The following ST3GAL1 variants were observed in gnomAD, a reference collection of about 807,000 sequenced individuals.
The protein encoded by ST3GAL1 is CMP-N-acetylneuraminate-beta-galactosamide-alpha-2,3-sialyltransferase 1.
In ST3GAL1, 16 loss-of-function variants were observed where a neutral mutation model predicts 34.1. The observed-to-expected ratio is 0.47, with a 90% CI of 0.32 to 0.71. The LOEUF (loss-of-function observed/expected upper bound fraction) is 0.71. Among genes scored for constraint, ST3GAL1 ranks in the 30% least tolerant of loss-of-function variants. The pLI, the probability that ST3GAL1 is intolerant of heterozygous loss-of-function variation, is 0.04. For synonymous variants in ST3GAL1, 191 were observed against 184.7 expected, an observed-to-expected ratio of 1.03 and a Z score of -0.28; for missense variants, 353 against 447.4, an observed-to-expected ratio of 0.79 and a Z score of 1.90.
intron 3 of ST3GAL1, among the ~76,000 whole-genome samples, chr8:133,482,359 C>T (rs1229212076): frequency 1.3e-5 from 2 of 152,126 alleles, no homozygotes; most frequent in African/African-American, 4.8e-5. Context: ...GGAGTGGTTG[C>T]CTGTATGTGT....
Position 133,466,232 on chromosome 8 carries a change from G to T in ST3GAL1, c.307-142C>A. The T allele has an allele frequency of 1.3e-6, 1 of 765,826 alleles. No homozygotes were observed. 47.4% of individuals were successfully genotyped at this position (765,826 alleles called of 1,614,324 possible). On this transcript the variant is annotated intron_variant, in intron 5 of 9. Coordinates refer to ENST00000522652, the MANE Select transcript of ST3GAL1 (RefSeq NM_173344.3). The surrounding 1 kb of genome is among the most constrained non-coding windows in gnomAD (Gnocchi z 4.4). ...TGCTGGGCCCCCGGAGATGGAGGCG[G>T]CTCACACACAGACACCTCCACTTCC...
intron 3 of ST3GAL1, chr8:133,488,355 A>G (rs1007280988): frequency 1.3e-5 from 2 of 152,268 alleles, no homozygotes; most frequent in African/African-American, 4.8e-5. Context: ...AAGCTCTCCA[A>G]TCAGTTAACT....
At chr8:133,512,057 A>G (rs1302149499) in intron 2 of ST3GAL1, among the ~76,000 whole-genome samples, 1 of 152,216 alleles carries the variant, frequency 6.6e-6, no homozygotes, top group African/African-American at 2.4e-5. Flanking sequence ...GTCTCAAAAC[A>G]AAACAAAACA....
chr8:133,486,691 C>G (rs1816616290), intron 3 of ST3GAL1, among the ~76,000 whole-genome samples: 1 of 152,206 alleles, frequency 6.6e-6, no homozygotes, highest in Non-Finnish European at 1.5e-5. Context: ...TTAAAAAAAT[C>G]AGTCTCGAAT....
At chr8:133,548,829 A>T (rs1818745285) in intron 1 of ST3GAL1, among the ~76,000 whole-genome samples, 1 of 152,188 alleles carries the variant, frequency 6.6e-6, no homozygotes, top group Admixed American at 6.5e-5. Flanking sequence ...TTTACTTGTC[A>T]CTAGATTTCC....
At chr8:133,555,138 G>T (rs1025786328) in intron 1 of ST3GAL1, among the ~76,000 whole-genome samples, 1 of 152,170 alleles carries the variant, frequency 6.6e-6, no homozygotes, top group African/African-American at 2.4e-5. Context: ...CCCCGCGGGG[G>T]ACTGCTCAGC....
At position 133,510,442 on chromosome 8, in the gene ST3GAL1, G is replaced by C. The variant is rs1045275403; in HGVS notation, c.-428-11253C>G. 4.6e-5 allele frequency among the ~76,000 whole-genome samples: 7 copies of C among 152,284 alleles called. No homozygotes were observed. The East Asian group carries it at 1.4e-3, about 29-fold the overall frequency. Reference sequence around the variant, plus strand: ...GAGGCAGAGTGAGCTTTCAGAGATAGTCTGCACCTATCTGAAGAGAGCGGG... The same window carrying C: ...GAGGCAGAGTGAGCTTTCAGAGATACTCTGCACCTATCTGAAGAGAGCGGG... On this transcript the variant is annotated intron_variant, in intron 2 of 9. Transcript: ENST00000522652.
intron 5 of ST3GAL1, among the ~76,000 whole-genome samples, chr8:133,468,007 C>T (rs938330789): frequency 1.3e-5 from 2 of 152,094 alleles, no homozygotes; most frequent in Non-Finnish European, 2.9e-5. Context: ...AAATGGAACT[C>T]GTGCATTGCT....
intron 3 of ST3GAL1, among the ~76,000 whole-genome samples, chr8:133,497,598 G>A (rs959242676): frequency 6.6e-6 from 1 of 150,664 alleles, no homozygotes; most frequent in Non-Finnish European, 1.5e-5. Flanking sequence ...TCAGCCTCCC[G>A]AGTAGCTGGG....
At chr8:133,483,240 G>A (rs1274276016) in intron 3 of ST3GAL1, among the ~76,000 whole-genome samples, 1 of 152,170 alleles carries the variant, frequency 6.6e-6, no homozygotes, top group Non-Finnish European at 1.5e-5. Context: ...TACTTAGGAG[G>A]CTGAGGCAGG....
intron 3 of ST3GAL1, among the ~76,000 whole-genome samples, chr8:133,491,887 C>T (rs1259718210): frequency 1.3e-5 from 2 of 152,098 alleles, no homozygotes; most frequent in Admixed American, 1.3e-4. Context: ...CATACCTGGG[C>T]CCCAGAGGAG....
intron 2 of ST3GAL1, among the ~76,000 whole-genome samples, chr8:133,539,408 C>T (rs1008107428): frequency 6.6e-6 from 1 of 152,226 alleles, no homozygotes; most frequent in Non-Finnish European, 1.5e-5. Flanking sequence ...AACCAGAGCA[C>T]GTCCAGGAAG....
rs1252788595 is a variant in ST3GAL1 at position 133,547,646 on chromosome 8, C to T, written c.-581-1720G>A. Among the ~76,000 whole-genome samples, 5 of 152,272 alleles carry T rather than the reference C, an allele frequency of 3.3e-5. No individual in the cohort carries two copies. The South Asian group carries it at 6.2e-4, about 19-fold the overall frequency. ...AGATGTGTGGATGGGCCAGCACAGG[C>T]AATCAGCCTAACACAAACTGTGCAG... On this transcript the variant is annotated intron_variant, in intron 1 of 9. Transcript: ENST00000522652.
At chr8:133,564,446 A>G (rs1447517256) in intron 1 of ST3GAL1, among the ~76,000 whole-genome samples, 1 of 151,940 alleles carries the variant, frequency 6.6e-6, no homozygotes, top group Non-Finnish European at 1.5e-5. Context: ...TAGAATCACA[A>G]TAAAGCCAAT....
chr8:133,560,246 TG>T (rs56015213), intron 1 of ST3GAL1, among the ~76,000 whole-genome samples: 69,976 of 151,342 alleles, frequency 0.46, 17,243 homozygotes, highest in East Asian at 0.64. Flanking sequence ...ACAATTACTA[TG>T]TGTCAGTTTT....
rs1037923998 is a variant in ST3GAL1, at chr8:133,516,990, C to A, written c.-428-17801G>T. Among the ~76,000 whole-genome samples the A allele has an allele frequency of 2.6e-5, 4 of 152,252 alleles. No homozygotes were observed. The South Asian group carries it at 8.3e-4, about 32-fold the overall frequency. On this transcript the variant is annotated intron_variant, in intron 2 of 9. Transcript: ENST00000522652. Reference sequence around the variant, plus strand: ...TGAACATATTAGTTCAGCAAATACACAAACCACTTTCTCTGAGCAGAAGTG... The same window carrying A: ...TGAACATATTAGTTCAGCAAATACAAAAACCACTTTCTCTGAGCAGAAGTG...
At chr8:133,550,438 G>A (rs148580006) in intron 1 of ST3GAL1, among the ~76,000 whole-genome samples, 2 of 152,336 alleles carry the variant, frequency 1.3e-5, no homozygotes, top group East Asian at 3.9e-4. Context: ...CCACAAATGA[G>A]GAAACCAAGG....
chr8:133,485,022 T>C (rs1231468416), intron 3 of ST3GAL1, among the ~76,000 whole-genome samples: 2 of 152,172 alleles, frequency 1.3e-5, no homozygotes, highest in Admixed American at 6.5e-5. Context: ...TCCACATGGC[T>C]CAAATCCCAT....
rs562237814 is a variant in ST3GAL1, at chr8:133,554,210, C to T, written c.-581-8284G>A. On this transcript the variant is annotated intron_variant, in intron 1 of 9. Coordinates refer to ENST00000522652, the MANE Select transcript of ST3GAL1 (RefSeq NM_173344.3). ...CATGAGCATGAGTCAAATTCTAGAC[C>T]CATTTTTCAGAGTCTGCAATCACCT... Among the ~76,000 whole-genome samples the T allele has an allele frequency of 3.3e-5, 5 of 152,256 alleles. No individual in the cohort carries two copies. The East Asian group carries it at 9.6e-4, about 29-fold the overall frequency.
Sources: gnomAD v4.1 joint callset for allele counts (sites outside exome capture counted in the v4.1 genomes callset) on GRCh38, gnomAD v4.1.1 for gene constraint, Gnocchi (gnomAD v3.1) non-coding constraint, MANE v1.5 for transcripts, NCBI Gene and HGNC (gene_info 2026-07-23, HGNC 2026-07-21) for gene names.